The following TEX264 variants were observed in gnomAD, a reference collection of about 807,000 sequenced individuals.
The protein encoded by TEX264 is testis-expressed protein 264.
TEX264 carries 13 observed loss-of-function variants against 23.4 expected under a neutral mutation model. That is an observed-to-expected ratio of 0.56 (90% CI 0.36 to 0.88). TEX264 has a LOEUF of 0.88. Ranked by LOEUF, TEX264 falls within the 40% of genes least tolerant of loss-of-function variation. The pLI is 0.01. For missense variants in TEX264, 340 were observed against 406.8 expected (o/e 0.84, Z 1.41); for synonymous variants, 159 against 170.0 (o/e 0.94, Z 0.50).
chr3:51,679,483 C>T (rs984393647), intron 2 of TEX264, among the ~76,000 whole-genome samples: 3 of 152,168 alleles, frequency 2.0e-5, no homozygotes, highest in South Asian at 2.1e-4. Flanking sequence ...GGCCAATTTC[C>T]GGGACTCCTG....
In TEX264 at chr3:51,699,558, C is replaced by T. The variant is rs759970460; in HGVS notation, c.633C>T (p.Thr211=). 23 of 1,613,730 alleles carry T rather than the reference C, an allele frequency of 1.4e-5. No individual in the cohort carries two copies. The highest frequency in any genetic ancestry group is 1.9e-5 in the Non-Finnish European group (22 of 1,179,872). The change falls in exon 4 of 5, where the codon ACC becomes ACT. Residue 211 remains threonine (T), a synonymous_variant. Transcript: ENST00000341333. The part of the protein sequence containing the change: ...KWRGLVEAID[T]QVDGTGADTM... ...GGGGGCTTGTGGAGGCCATTGACAC[C>T]CAGGTGGATGGCACAGGTACAGAAG... is the stretch of plus-strand genomic sequence containing the variant.
chr3:51,701,674 C>T (rs1437808764), intron 4 of TEX264, among the ~76,000 whole-genome samples: 1 of 151,818 alleles, frequency 6.6e-6, no homozygotes, highest in Non-Finnish European at 1.5e-5. Context: ...CTTTTTTGCC[C>T]AGGCTGGAGT....
chr3:51,699,701 A>C, intron 4 of TEX264, 127 bp downstream of exon 4: 1 of 1,138,438 alleles, frequency 8.8e-7, no homozygotes, highest in Non-Finnish European at 1.3e-6. Flanking sequence ...TGCTTGGCAG[A>C]GGGAGGAAGG....
At chr3:51,679,246 T>C (rs1577497627) in intron 2 of TEX264, among the ~76,000 whole-genome samples, 1 of 152,182 alleles carries the variant, frequency 6.6e-6, no homozygotes, top group African/African-American at 2.4e-5. Context: ...GGGTTTTTGT[T>C]TTGTGGGGGC....
At chr3:51,676,384 T>A (rs946424422) in intron 2 of TEX264, among the ~76,000 whole-genome samples, 3 of 150,988 alleles carry the variant, frequency 2.0e-5, no homozygotes, top group African/African-American at 7.3e-5. Flanking sequence ...TAGGGAAGAG[T>A]GAGATGGAAG....
intron 3 of TEX264, among the ~76,000 whole-genome samples, chr3:51,699,181 C>T (rs969034672): frequency 8.5e-5 from 13 of 152,132 alleles, no homozygotes; most frequent in South Asian, 2.1e-4. Flanking sequence ...CCTAGGGTGT[C>T]GTCCTGGGTC....
rs995317251 is a variant in TEX264 at position 51,703,258 on chromosome 3, C to T, written c.650-466C>T. ...GCCTCCTGCTGCATTCTGCAGTCCTCGTGCCCTGTGGGTGATGTTCTGTAG... is the reference window on the plus strand; with the variant it reads ...GCCTCCTGCTGCATTCTGCAGTCCTTGTGCCCTGTGGGTGATGTTCTGTAG... On this transcript the variant is annotated intron_variant, in intron 4 of 4. Transcript: ENST00000341333. The surrounding 1 kb of genome is among the most constrained non-coding windows in gnomAD (Gnocchi z 4.8). 7.9e-5 allele frequency among the ~76,000 whole-genome samples: 12 copies of T among 152,194 alleles called. No individual in the cohort carries two copies. Among genetic ancestry groups the T allele is most frequent in the Admixed American group, 5.9e-4 (9 of 15,286 alleles).
chr3:51,674,206 G>T, intron 1 of TEX264, 65 bp from the exon 2 acceptor site: 2 of 1,554,422 alleles, frequency 1.3e-6, no homozygotes. Context: ...GAACTGGTTG[G>T]CGGGCAAGTG....
chr3:51,698,826 G>A (rs1703168782), intron 3 of TEX264, among the ~76,000 whole-genome samples: 1 of 152,218 alleles, frequency 6.6e-6, no homozygotes, highest in Non-Finnish European at 1.5e-5. Flanking sequence ...ATGAATGGGA[G>A]TGGAAGTGGT....
intron 2 of TEX264, among the ~76,000 whole-genome samples, chr3:51,676,186 C>T (rs1444142159): frequency 6.6e-6 from 1 of 151,898 alleles, no homozygotes; most frequent in Non-Finnish European, 1.5e-5. Flanking sequence ...TAAGGCCCTG[C>T]CCCCCCTTCC....
intron 3 of TEX264, among the ~76,000 whole-genome samples, chr3:51,685,505 G>C (rs1333501943): frequency 6.6e-6 from 1 of 152,170 alleles, no homozygotes; most frequent in African/African-American, 2.4e-5. Flanking sequence ...GAAAAGTCAG[G>C]GAACCAACTT....
At chr3:51,677,668 G>A (rs977949033) in intron 2 of TEX264, among the ~76,000 whole-genome samples, 2 of 152,194 alleles carry the variant, frequency 1.3e-5, no homozygotes, top group Admixed American at 6.5e-5. Flanking sequence ...CAGGGAGTAG[G>A]CTGGTCCCAC....
intron 4 of TEX264, among the ~76,000 whole-genome samples, chr3:51,701,232 T>C (rs542733904): frequency 1.3e-5 from 2 of 151,972 alleles, no homozygotes; most frequent in East Asian, 3.9e-4. Flanking sequence ...TGGTATCTTC[T>C]GCCCAGGGAT....
Position 51,691,468 on chromosome 3 carries a change from G to A in TEX264, c.480+6834G>A, listed in dbSNP as rs1010523404. ...CCACAGAGCCTAGCCATGCCTGGGT[G>A]TGGGGAGGGGAGGGATAGATTCGCT... On this transcript the variant is annotated intron_variant, in intron 3 of 4. Transcript: ENST00000341333. The surrounding 1 kb of genome is among the most constrained non-coding windows in gnomAD (Gnocchi z 4.4). 3.9e-5 allele frequency among the ~76,000 whole-genome samples: 6 copies of A among 152,346 alleles called. No individual in the cohort carries two copies. Among genetic ancestry groups the A allele is most frequent in the Non-Finnish European group, 5.9e-5 (4 of 68,036 alleles).
intron 3 of TEX264, among the ~76,000 whole-genome samples, chr3:51,685,170 C>T (rs892097673): frequency 6.6e-5 from 10 of 152,246 alleles, no homozygotes; most frequent in Non-Finnish European, 8.8e-5. Context: ...GGCAGCCCAA[C>T]CTTCCTGGAG....
rs1702109495 is a variant in TEX264 at position 51,673,136 on chromosome 3, T to A, written c.-34-1135T>A. 2.6e-5 allele frequency among the ~76,000 whole-genome samples: 4 copies of A among 152,246 alleles called. No individual in the cohort carries two copies. The South Asian group carries it at 8.3e-4, about 31-fold the overall frequency. On this transcript the variant is annotated intron_variant, in intron 1 of 4. Transcript: ENST00000341333. ...CAGGGAAGAAATAATTCCACAGAGC[T>A]AAGTATTCCACAAAGTTGCAGCGTG... is the stretch of plus-strand genomic sequence containing the variant.
chr3:51,688,546 C>T (rs1702707165), intron 3 of TEX264, among the ~76,000 whole-genome samples: 1 of 152,150 alleles, frequency 6.6e-6, no homozygotes, highest in African/African-American at 2.4e-5. Context: ...GTGCCCTTCC[C>T]CATGGTCTCT....
chr3:51,695,239 C>T (rs1365563464), intron 3 of TEX264, among the ~76,000 whole-genome samples: 1 of 152,222 alleles, frequency 6.6e-6, no homozygotes, highest in Non-Finnish European at 1.5e-5. Context: ...AACAGTAAGG[C>T]AAGGCCCAGG....
intron 3 of TEX264, among the ~76,000 whole-genome samples, chr3:51,694,045 T>TCCTCCCTC (rs1318013978): frequency 3.4e-5 from 4 of 117,370 alleles, no homozygotes; most frequent in African/African-American, 1.3e-4. Context: ...CTTCCTTCCT[T>TCCTCCCTC]CCTCCCTTCC....
Sources: allele counts gnomAD v4.1 joint callset (sites outside exome capture counted in the v4.1 genomes callset), GRCh38; gene constraint gnomAD v4.1.1; non-coding constraint Gnocchi (gnomAD v3.1); transcripts MANE v1.5; gene names NCBI Gene and HGNC (gene_info 2026-07-23, HGNC 2026-07-21).